Variants in CFAP46 observed in about 807,000 individuals in gnomAD.
CFAP46 encodes cilia- and flagella-associated protein 46.
CFAP46 carries 245 observed loss-of-function variants against 325.7 expected under a neutral mutation model. The ratio of observed to expected loss-of-function variants is 0.75; its 90% CI spans 0.68 to 0.84. The LOEUF (loss-of-function observed/expected upper bound fraction) is 0.84, where lower values mean the gene tolerates loss of function less well. CFAP46 is among the 40% of genes least tolerant of loss of function. CFAP46 has a pLI of 0.00. For synonymous variants in CFAP46, 1,523 were observed against 1,495.9 expected (o/e 1.02, Z -0.42); for missense variants, 3,346 against 3,543.0 (o/e 0.94, Z 1.41).
intron 22 of CFAP46, among the ~76,000 whole-genome samples, chr10:132,903,753 A>G (rs1849420483): frequency 6.6e-6 from 1 of 152,306 alleles, no homozygotes; most frequent in Admixed American, 6.5e-5. Context: ...ATATAAATAT[A>G]TTACACATAA....
chr10:132,916,272 A>G (rs1278963867), intron 17 of CFAP46, among the ~76,000 whole-genome samples: 1 of 152,230 alleles, frequency 6.6e-6, no homozygotes, highest in Non-Finnish European at 1.5e-5. Flanking sequence ...ACACTACAGG[A>G]CGCTGGAAAA....
chr10:132,937,151 A>G, intron 6 of CFAP46, 96 bp from the exon 7 acceptor site: 3 of 659,648 alleles, frequency 4.5e-6, no homozygotes, highest in South Asian at 3.7e-5. Flanking sequence ...TTAATTTTGT[A>G]TCTAGCTTTT....
chr10:132,842,599 G>T (rs1384397818), intron 44 of CFAP46, among the ~76,000 whole-genome samples: 1 of 152,268 alleles, frequency 6.6e-6, no homozygotes, highest in East Asian at 1.9e-4. Flanking sequence ...ATTCATTATT[G>T]TTAACCACCC....
rs1393540662 is a variant in CFAP46 at position 132,868,217 on chromosome 10, C to A, written c.4611-710G>T. ...CCGAGACGTCGCTGCTCCCAGCACACCACATCGCGCTGGCCACCCCACATC... is the reference window on the plus strand; with the variant it reads ...CCGAGACGTCGCTGCTCCCAGCACAACACATCGCGCTGGCCACCCCACATC... On this transcript the variant is annotated intron_variant, in intron 33 of 57. Coordinates refer to ENST00000368586, the MANE Select transcript of CFAP46 (RefSeq NM_001200049.3). Among the ~76,000 whole-genome samples, 6 of 152,228 alleles carry A rather than the reference C, an allele frequency of 3.9e-5. No homozygotes were observed. The East Asian group carries it at 1.2e-3, about 29-fold the overall frequency.
chr10:132,860,059 G>A lies in CFAP46; in HGVS notation c.5198+358C>T, dbSNP rs889564311. ...GTCGATAAATGGCAATAAGGGAGGC[G>A]TGCCTGCCGCAAGGGTTTTGTGAAA... On this transcript the variant is annotated intron_variant, in intron 37 of 57. Coordinates refer to ENST00000368586, the MANE Select transcript of CFAP46 (RefSeq NM_001200049.3). Among the ~76,000 whole-genome samples the A allele has an allele frequency of 3.9e-5, 6 of 152,306 alleles. No individual in the cohort carries two copies. The East Asian group carries it at 7.7e-4, about 20-fold the overall frequency.
At chr10:132,936,859 A>T in intron 7 of CFAP46, 102 bp downstream of exon 7, 1 of 560,422 alleles carries the variant, frequency 1.8e-6, no homozygotes. Context: ...CCAGACTCAC[A>T]GGCCCCTGGA....
rs1183686402 is a variant in CFAP46 at position 132,859,214 on chromosome 10, G to A, written c.5232C>T (p.His1744=). The A allele has an allele frequency of 1.2e-5, 19 of 1,549,966 alleles. No homozygotes were observed. The African/African-American group carries it at 2.3e-4, about 19-fold the overall frequency. The part of the protein sequence containing the change: ...CLSLRVRVAQ[H]SAVTEPTECS... ...ACTCTGTGGGTTCAGTGACCGCTGA[G>A]TGCTGCGCAACTCTGACCCGCAGGC... The change falls in exon 38 of 58, where the codon CAC becomes CAT. Residue 1744 remains histidine (H), a synonymous_variant. Transcript: ENST00000368586.
rs558490491 is a variant in CFAP46, at chr10:132,832,475, G to C, written c.7117+883C>G. The C allele has an allele frequency of 5.1e-5, 9 of 176,128 alleles. No homozygotes were observed. In the South Asian group the frequency reaches 7.8e-4, roughly 15 times the overall value. 10.9% of individuals were successfully genotyped at this position (176,128 alleles called of 1,614,324 possible). ...GGCGCTCGCCAGCCAAACCCCCTTC[G>C]AGGCCCCCCGTCCTGCGCGGACTGC... On this transcript the variant is annotated intron_variant, in intron 50 of 57. Coordinates refer to ENST00000368586, the MANE Select transcript of CFAP46 (RefSeq NM_001200049.3). The surrounding 1 kb of genome is among the most constrained non-coding windows in gnomAD (Gnocchi z 4.1).
Position 132,863,815 on chromosome 10 carries a change from C to T in CFAP46, c.4890+2210G>A, listed in dbSNP as rs114086554. ...CCCCCTGCCTGAGACCTGCACGCAC[C>T]TGTCCCCCTGCCTGAGACCAGCACA... On this transcript the variant is annotated intron_variant, in intron 35 of 57. Coordinates refer to ENST00000368586, the MANE Select transcript of CFAP46 (RefSeq NM_001200049.3). 3.6e-3 allele frequency among the ~76,000 whole-genome samples: 533 copies of T among 147,576 alleles called. 2 individuals carry two copies. The highest frequency in any genetic ancestry group is 0.013 in the African/African-American group (511 of 39,674).
chr10:132,810,661 G>T, intron 56 of CFAP46, 172 bp from the exon 57 acceptor site: 1 of 743,780 alleles, frequency 1.3e-6, no homozygotes, highest in Non-Finnish European at 2.4e-6. Flanking sequence ...TGCTCTTGAC[G>T]CCCACCAGGC....
At position 132,865,732 on chromosome 10, in the gene CFAP46, T is replaced by C. The variant is rs149484761; in HGVS notation, c.4890+293A>G. Among the ~76,000 whole-genome samples the C allele has an allele frequency of 9.2e-3, 1,406 of 152,306 alleles. 12 individuals are homozygous for C. The highest frequency in any genetic ancestry group is 0.043 in the South Asian group (208 of 4,820). On this transcript the variant is annotated intron_variant, in intron 35 of 57. Transcript: ENST00000368586. ...GCCTCAGAAGGTAAGAAACTGACTA[T>C]GGCAGGAGGCAGAGCGGAGCCACTG...
intron 50 of CFAP46, among the ~76,000 whole-genome samples, chr10:132,822,154 G>T (rs371157837): frequency 0.056 from 7,585 of 136,222 alleles, 746 homozygotes; most frequent in African/African-American, 0.19. Flanking sequence ...GCTGATGTGT[G>T]CTGTGTGCTG....
rs568533675 is a variant in CFAP46 at position 132,869,125 on chromosome 10, G to A, written c.4610+149C>T. ...AACCCACCTCCAGCACGACCCAGGAGAACCGGCCACAGCCGTGTCCCCCAA... is the reference window on the plus strand; with the variant it reads ...AACCCACCTCCAGCACGACCCAGGAAAACCGGCCACAGCCGTGTCCCCCAA... On this transcript the variant is annotated intron_variant, in intron 33 of 57. Coordinates refer to ENST00000368586, the MANE Select transcript of CFAP46 (RefSeq NM_001200049.3). This position sits in a 1 kb window ranked among gnomAD's most constrained non-coding sequence, Gnocchi z 6.2. The A allele has an allele frequency of 1.9e-5, 11 of 567,334 alleles. No individual in the cohort carries two copies. The South Asian group carries it at 3.6e-4, about 19-fold the overall frequency. The allele number at this position is 567,334 out of a possible 1,614,324, so 35.1% of individuals were successfully genotyped here. A position where few individuals can be genotyped will look rare whatever the true frequency, so the allele number is the denominator to read the frequency against.
At chr10:132,818,105 G>C (rs898074867) in intron 50 of CFAP46, among the ~76,000 whole-genome samples, 1 of 152,186 alleles carries the variant, frequency 6.6e-6, no homozygotes, top group African/African-American at 2.4e-5. Context: ...AGGCACCCCT[G>C]GGCGGCCCGT....
At chr10:132,845,008 C>T (rs1227211742) in intron 44 of CFAP46, among the ~76,000 whole-genome samples, 2 of 152,308 alleles carry the variant, frequency 1.3e-5, no homozygotes, top group East Asian at 3.9e-4. Flanking sequence ...TGTGTGCCCC[C>T]ATGTCCAGCT....
intron 25 of CFAP46, among the ~76,000 whole-genome samples, chr10:132,888,890 C>T (rs1441411906): frequency 1.3e-5 from 2 of 150,342 alleles, no homozygotes; most frequent in Non-Finnish European, 3.0e-5. Context: ...GCACCTGCCA[C>T]CTTCACCCCT....
At chr10:132,915,372 C>T (rs539885953) in intron 17 of CFAP46, among the ~76,000 whole-genome samples, 78 of 152,344 alleles carry the variant, frequency 5.1e-4, no homozygotes, top group African/African-American at 1.8e-3. Flanking sequence ...TCACAGAGCC[C>T]GGAGCTGCTG....
rs1248505203 is a variant in CFAP46, at chr10:132,846,239, C to G, written c.6268-12G>C. 6.2e-7 allele frequency: 1 copy of G among 1,609,784 alleles called. No individual in the cohort carries two copies. Among genetic ancestry groups the G allele is most frequent in the Non-Finnish European group, 8.5e-7 (1 of 1,178,788 alleles). Reference sequence around the variant, plus strand: ...GAGGCCGAGCAGCTCTGAAAGGGAGCAGGGGAGGTGTACCAGGGGCCCGAG... The same window carrying G: ...GAGGCCGAGCAGCTCTGAAAGGGAGGAGGGGAGGTGTACCAGGGGCCCGAG... On this transcript the variant is annotated splice_polypyrimidine_tract_variant and intron_variant, in intron 43 of 57. Transcript: ENST00000368586.
intron 50 of CFAP46, among the ~76,000 whole-genome samples, chr10:132,816,169 G>A (rs529927828): frequency 1.3e-5 from 2 of 151,806 alleles, no homozygotes; most frequent in Admixed American, 6.6e-5. Flanking sequence ...GGGGACTTCC[G>A]GGTTCTCCTG....
Sources: gnomAD v4.1 joint callset for allele counts (sites outside exome capture counted in the v4.1 genomes callset) on GRCh38, gnomAD v4.1.1 for gene constraint, Gnocchi (gnomAD v3.1) non-coding constraint, MANE v1.5 for transcripts, NCBI Gene and HGNC (gene_info 2026-07-23, HGNC 2026-07-21) for gene names.